PLD5: variants seen among roughly 807,000 people sequenced by gnomAD.
PLD5 encodes the protein inactive phospholipase D5.
Under a neutral mutation model 61.1 loss-of-function variants are expected in PLD5, and 36 were observed. The ratio of observed to expected loss-of-function variants is 0.59; its 90% confidence interval spans 0.45 to 0.78. PLD5 has a LOEUF of 0.78. PLD5 is among the 30% of genes least tolerant of loss of function. The pLI, the probability that PLD5 is intolerant of heterozygous loss-of-function variation, is 0.00. For synonymous variants in PLD5, 243 were observed against 242.8 expected, an observed-to-expected ratio of 1.00 and a Z score of -0.01; for missense variants, 515 against 644.4, an observed-to-expected ratio of 0.80 and a Z score of 2.17.
intron 2 of PLD5, among the ~76,000 whole-genome samples, chr1:242,305,553 C>T (rs1676297952): frequency 6.6e-6 from 1 of 151,434 alleles, no homozygotes; most frequent in Admixed American, 6.6e-5. Context: ...AAGCCACTTC[C>T]ATTTCTTATT....
At chr1:242,280,316 G>A (rs879199818) in intron 3 of PLD5, among the ~76,000 whole-genome samples, 5 of 152,230 alleles carry the variant, frequency 3.3e-5, no homozygotes, top group African/African-American at 4.8e-5. Flanking sequence ...ATAACACTGC[G>A]AATTTGCCTT....
chr1:242,444,109 C>A (rs1246447193), intron 1 of PLD5, among the ~76,000 whole-genome samples: 5 of 152,092 alleles, frequency 3.3e-5, no homozygotes, highest in Non-Finnish European at 5.9e-5. Context: ...AAGAGTAATT[C>A]CTTCCTATAA....
At chr1:242,375,901 C>T (rs1415046785) in intron 1 of PLD5, among the ~76,000 whole-genome samples, 1 of 152,102 alleles carries the variant, frequency 6.6e-6, no homozygotes, top group African/African-American at 2.4e-5. Context: ...ACTCTAAGTA[C>T]CAGAACATTT....
At chr1:242,350,165 C>T (rs1053757539) in intron 1 of PLD5, among the ~76,000 whole-genome samples, 2 of 152,108 alleles carry the variant, frequency 1.3e-5, no homozygotes, top group African/African-American at 4.8e-5. Flanking sequence ...CCAAATCTAC[C>T]AGCATCTTGA....
intron 1 of PLD5, among the ~76,000 whole-genome samples, chr1:242,496,207 A>C (rs151122003): frequency 7.9e-5 from 12 of 152,278 alleles, no homozygotes; most frequent in African/African-American, 2.9e-4. Flanking sequence ...AAATAAGCTT[A>C]ATTCTCTTTT....
In PLD5 at chr1:242,140,552, G is replaced by A. The variant is rs185574520; in HGVS notation, c.736-15887C>T. On this transcript the variant is annotated intron_variant, in intron 5 of 9. Transcript: ENST00000536534. The stretch of plus-strand genomic sequence containing the variant: ...CTCAGGTGGCAGAAATGGGAGGATC[G>A]CTTTAGCCCAGGGGGTTGAGGTTGC... Among the ~76,000 whole-genome samples the A allele has an allele frequency of 4.7e-3, 715 of 152,222 alleles. 3 individuals are homozygous for A. Among genetic ancestry groups the A allele is most frequent in the Non-Finnish European group, 7.7e-3 (525 of 68,002 alleles).
intron 5 of PLD5, among the ~76,000 whole-genome samples, chr1:242,169,095 T>C (rs1038309043): frequency 6.6e-6 from 1 of 151,958 alleles, no homozygotes; most frequent in Non-Finnish European, 1.5e-5. Flanking sequence ...GAAGCCTACC[T>C]TTCTCAGGCA....
intron 1 of PLD5, among the ~76,000 whole-genome samples, chr1:242,523,304 A>G (rs976583391): frequency 1.3e-5 from 2 of 151,764 alleles, no homozygotes; most frequent in African/African-American, 2.4e-5. Flanking sequence ...TGATGGATCA[A>G]ATTTGAAACT....
At chr1:242,488,130 A>G (rs984501682) in intron 1 of PLD5, among the ~76,000 whole-genome samples, 5 of 152,166 alleles carry the variant, frequency 3.3e-5, no homozygotes, top group Non-Finnish European at 7.4e-5. Context: ...GGAATGCAAA[A>G]TGGTACAGCC....
intron 5 of PLD5, among the ~76,000 whole-genome samples, chr1:242,158,902 C>A (rs1446735946): frequency 6.6e-6 from 1 of 152,156 alleles, no homozygotes; most frequent in African/African-American, 2.4e-5. Flanking sequence ...TCTTTATTTT[C>A]TTTTCCATTT....
intron 1 of PLD5, chr1:242,377,010 A>G: frequency 6.2e-7 from 1 of 1,611,780 alleles, no homozygotes; most frequent in Admixed American, 1.7e-5. Context: ...TTCAGTTTCA[A>G]AAGTTTTTGC....
At chr1:242,344,366 T>C (rs1365079184) in intron 2 of PLD5, among the ~76,000 whole-genome samples, 2 of 152,094 alleles carry the variant, frequency 1.3e-5, no homozygotes, top group South Asian at 2.1e-4. Context: ...CAAAACACAG[T>C]TGATGGTGGG....
intron 2 of PLD5, among the ~76,000 whole-genome samples, chr1:242,333,051 G>A (rs749495010): frequency 6.6e-6 from 1 of 152,146 alleles, no homozygotes; most frequent in Non-Finnish European, 1.5e-5. Flanking sequence ...AGACATGAAG[G>A]CATGGAGGCT....
At chr1:242,194,143 G>A (rs1668453754) in intron 5 of PLD5, among the ~76,000 whole-genome samples, 1 of 152,106 alleles carries the variant, frequency 6.6e-6, no homozygotes, top group African/African-American at 2.4e-5. Context: ...CCTGTCTGGT[G>A]TCACCAACCA....
In PLD5 at chr1:242,259,692, T is replaced by C. The variant is rs201067687; in HGVS notation, c.607+5645A>G. Among the ~76,000 whole-genome samples, 27 of 149,758 alleles carry C rather than the reference T, an allele frequency of 1.8e-4. No homozygotes were observed. In the East Asian group the frequency reaches 4.5e-3, roughly 25 times the overall value. On this transcript the variant is annotated intron_variant, in intron 4 of 9. Transcript: ENST00000536534. ...CAACCATGAACAAATAAAAGCCTGC[T>C]TTTTTTTTTCAAAAGGAAATTGATA...
At chr1:242,119,792 A>C (rs977999330) in intron 6 of PLD5, among the ~76,000 whole-genome samples, 1 of 152,210 alleles carries the variant, frequency 6.6e-6, no homozygotes, top group Non-Finnish European at 1.5e-5. Context: ...TCCAACATAG[A>C]GTTACCACAT....
At chr1:242,223,283 G>A (rs1194926598) in intron 4 of PLD5, among the ~76,000 whole-genome samples, 3 of 152,148 alleles carry the variant, frequency 2.0e-5, no homozygotes, top group Non-Finnish European at 4.4e-5. Flanking sequence ...CATCACCCTG[G>A]GGGTTAGGAT....
At chr1:242,185,713 C>A (rs1036713766) in intron 5 of PLD5, among the ~76,000 whole-genome samples, 1 of 152,208 alleles carries the variant, frequency 6.6e-6, no homozygotes, top group Non-Finnish European at 1.5e-5. Context: ...CATTTTCTAA[C>A]ATCTTACACT....
intron 1 of PLD5, among the ~76,000 whole-genome samples, chr1:242,369,277 T>C (rs79507548): frequency 0.056 from 8,493 of 152,260 alleles, 316 homozygotes; most frequent in Middle Eastern, 0.092. Flanking sequence ...GAAATAGGCA[T>C]TGGGTTAAAA....
Sources: gnomAD v4.1 joint callset for allele counts (sites outside exome capture counted in the v4.1 genomes callset) on GRCh38, gnomAD v4.1.1 for gene constraint, MANE v1.5 for transcripts, NCBI Gene and HGNC (gene_info 2026-07-23, HGNC 2026-07-21) for gene names.